Variants in JAM3 observed in about 807,000 individuals in gnomAD.
JAM3 encodes the protein junctional adhesion molecule 3.
A neutral mutation model predicts 39.4 loss-of-function variants in JAM3; 31 were observed. That is an observed-to-expected ratio of 0.79 (90% confidence interval 0.59 to 1.06). JAM3 has a LOEUF of 1.06. JAM3 is among the 50% of genes least tolerant of loss of function. The pLI, the probability that JAM3 is intolerant of heterozygous loss-of-function variation, is 0.00. For missense variants in JAM3, 455 were observed against 391.4 expected (o/e 1.16, Z -1.37); for synonymous variants, 182 against 148.7 (o/e 1.22, Z -1.63).
chr11:134,144,330 G>C lies in JAM3; in HGVS notation c.346G>C (p.Glu116Gln). 6.2e-7 allele frequency: 1 copy of C among 1,614,238 alleles called. No homozygotes were observed. Among genetic ancestry groups the C allele is most frequent in the Non-Finnish European group, 8.5e-7 (1 of 1,180,036 alleles). ...GAGAGACTCAGCCCTTTATCGCTGT[G>C]AGGTCGTTGCTCGAAATGACCGCAA... Reference protein sequence around the residue: ...TRRDSALYRCEVVARNDRKEI... With the variant: ...TRRDSALYRCQVVARNDRKEI... Residue 116 changes from glutamate (E) to glutamine (Q), a missense_variant, in exon 4 of 9, where the codon GAG (glutamate) becomes CAG (glutamine). Glu to Gln is a conservative substitution (Grantham distance 29, BLOSUM62 2). Coordinates refer to ENST00000299106, the MANE Select transcript of JAM3 (RefSeq NM_032801.5).
intron 3 of JAM3, 83 bp from the exon 4 acceptor site, chr11:134,144,158 A>C: frequency 7.5e-7 from 1 of 1,338,378 alleles, no homozygotes; most frequent in Non-Finnish European, 1.1e-6. Context: ...TGTGGCATCT[A>C]GTGCTAGCCC....
chr11:134,140,876 G>C, intron 3 of JAM3, 106 bp downstream of exon 3: 1 of 1,391,780 alleles, frequency 7.2e-7, no homozygotes, highest in Non-Finnish European at 9.6e-7. Flanking sequence ...TGCATCTGTA[G>C]CTAGGACCGT....
At chr11:134,070,180 C>G in intron 1 of JAM3, 1 of 456,266 alleles carries the variant, frequency 2.2e-6, no homozygotes, top group Non-Finnish European at 4.4e-6. Context: ...AGAGTCAAGT[C>G]TAGTCTGCTT....
chr11:134,125,392 C>A (rs1435048819), intron 1 of JAM3, among the ~76,000 whole-genome samples: 1 of 152,232 alleles, frequency 6.6e-6, no homozygotes, highest in African/African-American at 2.4e-5. Flanking sequence ...TTTTAGGCTT[C>A]AAGGTCTGAT....
chr11:134,145,463 G>A (rs2120359764), intron 5 of JAM3: 2 of 321,566 alleles, frequency 6.2e-6, no homozygotes, highest in East Asian at 8.4e-5. Flanking sequence ...TGGTGGTGGT[G>A]GGAGGTGGGG....
At chr11:134,074,704 G>T (rs897343278) in intron 1 of JAM3, among the ~76,000 whole-genome samples, 7 of 152,146 alleles carry the variant, frequency 4.6e-5, no homozygotes, top group Non-Finnish European at 7.3e-5. Flanking sequence ...TTCAAAGCGA[G>T]CCAAAATTTA....
chr11:134,109,672 G>A (rs866171447), intron 1 of JAM3, among the ~76,000 whole-genome samples: 1 of 152,202 alleles, frequency 6.6e-6, no homozygotes, highest in South Asian at 2.1e-4. Flanking sequence ...GATTTTGAGG[G>A]CTGCAATATT....
chr11:134,137,544 G>A (rs192531059), intron 1 of JAM3, among the ~76,000 whole-genome samples: 340 of 152,332 alleles, frequency 2.2e-3, no homozygotes, highest in Non-Finnish European at 4.1e-3. Flanking sequence ...TGGTCTTTGG[G>A]CCAGAGCTGA....
At chr11:134,111,133 C>CTTTTTTTTTTTTTTTTTTTT (rs71038561) in intron 1 of JAM3, among the ~76,000 whole-genome samples, 3 of 86,776 alleles carry the variant, frequency 3.5e-5, no homozygotes, top group African/African-American at 1.7e-4. Context: ...ACACATCCAT[C>CTTTTTTTTTTTTTTTTTTTT]TTTTTTTTTT....
At chr11:134,110,804 T>C (rs1264260403) in intron 1 of JAM3, among the ~76,000 whole-genome samples, 4 of 152,178 alleles carry the variant, frequency 2.6e-5, no homozygotes, top group Non-Finnish European at 4.4e-5. Context: ...CTAAATTTTA[T>C]CGAATTATAT....
intron 1 of JAM3, among the ~76,000 whole-genome samples, chr11:134,137,703 A>G (rs557142647): frequency 2.0e-5 from 3 of 149,148 alleles, no homozygotes; most frequent in Admixed American, 6.7e-5. Context: ...AGAAATGTTT[A>G]TGGCCAGTAG....
At chr11:134,101,657 C>A (rs924179136) in intron 1 of JAM3, among the ~76,000 whole-genome samples, 2 of 152,148 alleles carry the variant, frequency 1.3e-5, no homozygotes, top group Non-Finnish European at 2.9e-5. Context: ...ACTCTACTAC[C>A]ACAAGTATTG....
chr11:134,103,122 G>A (rs1942108554), intron 1 of JAM3, among the ~76,000 whole-genome samples: 2 of 152,156 alleles, frequency 1.3e-5, no homozygotes, highest in South Asian at 2.1e-4. Flanking sequence ...GAAAGGTCAG[G>A]TTATCCACAA....
At chr11:134,085,339 G>A (rs1008074761) in intron 1 of JAM3, among the ~76,000 whole-genome samples, 22 of 152,216 alleles carry the variant, frequency 1.4e-4, no homozygotes, top group African/African-American at 5.1e-4. Flanking sequence ...CATGCTAAAG[G>A]GAAGTCTTAA....
intron 1 of JAM3, among the ~76,000 whole-genome samples, chr11:134,092,864 T>C (rs1199830755): frequency 8.0e-5 from 11 of 137,332 alleles, no homozygotes; most frequent in East Asian, 2.5e-4. Context: ...CCACCTTACA[T>C]GTCACTTCCT....
intron 1 of JAM3, among the ~76,000 whole-genome samples, chr11:134,131,405 A>G (rs1459172650): frequency 6.6e-6 from 1 of 151,948 alleles, no homozygotes; most frequent in East Asian, 1.9e-4. Context: ...AGCCTTAAAC[A>G]GTAATTTTTT....
intron 1 of JAM3, among the ~76,000 whole-genome samples, chr11:134,074,219 C>T (rs574388617): frequency 2.4e-4 from 37 of 152,292 alleles, no homozygotes; most frequent in Non-Finnish European, 4.6e-4. Context: ...GGAAGTGTTA[C>T]AGCAAATTGT....
At chr11:134,103,401 C>T (rs1196689961) in intron 1 of JAM3, among the ~76,000 whole-genome samples, 1 of 152,146 alleles carries the variant, frequency 6.6e-6, no homozygotes, top group Non-Finnish European at 1.5e-5. Context: ...CCAGCCACTG[C>T]AAAAACATGC....
At chr11:134,137,271 C>T (rs928682841) in intron 1 of JAM3, among the ~76,000 whole-genome samples, 2 of 152,148 alleles carry the variant, frequency 1.3e-5, no homozygotes, top group African/African-American at 4.8e-5. Flanking sequence ...AGATACATAT[C>T]TCAGTTGGCC....
Sources: allele counts gnomAD v4.1 joint callset (sites outside exome capture counted in the v4.1 genomes callset), GRCh38; gene constraint gnomAD v4.1.1; transcripts MANE v1.5; gene names NCBI Gene and HGNC (gene_info 2026-07-23, HGNC 2026-07-21).